Variants in SEM1 observed in about 807,000 individuals in gnomAD.
SEM1 encodes 26S proteasome complex subunit SEM1.
SEM1 carries 3 observed loss-of-function variants against 12.7 expected under a neutral mutation model. The observed-to-expected ratio is 0.24, with a 90% CI of 0.11 to 0.61. SEM1 has a LOEUF of 0.61. Ranked by LOEUF, SEM1 falls within the 20% of genes least tolerant of loss-of-function variation. The pLI, the probability that SEM1 is intolerant of heterozygous loss-of-function variation, is 0.88. For missense variants in SEM1, 59 were observed against 81.3 expected (o/e 0.73, Z 1.06); for synonymous variants, 30 against 27.8 (o/e 1.08, Z -0.25).
intron 2 of SEM1, among the ~76,000 whole-genome samples, chr7:96,626,843 T>C (rs1345819832): frequency 1.3e-5 from 2 of 152,130 alleles, no homozygotes; most frequent in Non-Finnish European, 2.9e-5. Context: ...TTTTTCATAA[T>C]AGTTTGAGTA....
chr7:96,572,506 G>T lies in SEM1; in HGVS notation c.171-65808C>A, dbSNP rs143091426. Among the ~76,000 whole-genome samples the T allele has an allele frequency of 2.9e-3, 440 of 152,222 alleles. 3 individuals are homozygous for T. Among genetic ancestry groups the T allele is most frequent in the Non-Finnish European group, 5.1e-3 (350 of 68,012 alleles). On this transcript the variant is annotated intron_variant and NMD_transcript_variant, in intron 2 of 3. Transcript: ENST00000466986. ...TGCCTTTGTTCTCATTGGTTTCAAA[G>T]AACTTATTTATTTCTGCCTTCATTT...
At chr7:96,627,842 T>G (rs948447216) in intron 2 of SEM1, among the ~76,000 whole-genome samples, 1 of 152,100 alleles carries the variant, frequency 6.6e-6, no homozygotes, top group Admixed American at 6.5e-5. Context: ...GTCTGGAAGA[T>G]CTGTCCAATG....
intron 2 of SEM1, among the ~76,000 whole-genome samples, chr7:96,585,383 G>T (rs1437278596): frequency 2.6e-5 from 4 of 152,210 alleles, no homozygotes; most frequent in Admixed American, 1.3e-4. Context: ...TGTCAGACAG[G>T]GACATTTAAG....
intron 2 of SEM1, among the ~76,000 whole-genome samples, chr7:96,591,564 A>T (rs1458887056): frequency 1.3e-5 from 2 of 152,180 alleles, no homozygotes; most frequent in Non-Finnish European, 2.9e-5. Context: ...CTACACATGC[A>T]CTCCATATAA....
intron 1 of SEM1, among the ~76,000 whole-genome samples, chr7:96,492,642 G>A (rs1255275450): frequency 1.5e-5 from 2 of 133,900 alleles, no homozygotes; most frequent in African/African-American, 5.7e-5. Flanking sequence ...TGTTGGCCAG[G>A]CTGGTCTTGA....
chr7:96,607,347 C>G (rs1807411498), intron 2 of SEM1, among the ~76,000 whole-genome samples: 1 of 152,170 alleles, frequency 6.6e-6, no homozygotes, highest in South Asian at 2.1e-4. Context: ...CTTAAACCCA[C>G]AGGATTTATC....
At chr7:96,517,448 T>C (rs1804130997) in intron 2 of SEM1, among the ~76,000 whole-genome samples, 1 of 152,180 alleles carries the variant, frequency 6.6e-6, no homozygotes, top group African/African-American at 2.4e-5. Flanking sequence ...ATTGTCCCTT[T>C]CTCTACATTC....
rs770179873 is a variant in SEM1, at chr7:96,496,272, A to G, written c.12+12T>C. On this transcript the variant is annotated intron_variant, in intron 1 of 3. Coordinates refer to the SEM1 transcript ENST00000356686. Reference sequence around the variant, plus strand: ...AAAGCCACATATTGATATAATCCATATCAGTTCCTACCTGGCAATACATGT... The same window carrying G: ...AAAGCCACATATTGATATAATCCATGTCAGTTCCTACCTGGCAATACATGT... The G allele has an allele frequency of 2.5e-5, 38 of 1,495,922 alleles. 2 individuals are homozygous for G. Among genetic ancestry groups the G allele is most frequent in the South Asian group, 1.9e-4 (16 of 82,896 alleles). The allele number at this position is 1,495,922 out of a possible 1,614,324, so 92.7% of individuals were successfully genotyped here. A position where few individuals can be genotyped will look rare whatever the true frequency, so the allele number is the denominator to read the frequency against.
chr7:96,562,968 A>G (rs77117923), intron 2 of SEM1, among the ~76,000 whole-genome samples: 1,729 of 152,294 alleles, frequency 0.011, 29 homozygotes, highest in African/African-American at 0.039. Context: ...GTATGAAGGA[A>G]AGTCATTGGA....
At chr7:96,546,130 T>G (rs1300603530) in intron 2 of SEM1, among the ~76,000 whole-genome samples, 1 of 152,110 alleles carries the variant, frequency 6.6e-6, no homozygotes, top group Non-Finnish European at 1.5e-5. Flanking sequence ...CCAATCATGT[T>G]GAATCTTGAA....
Position 96,580,109 on chromosome 7 carries a change from TCCCTCCC to T in SEM1, c.171-73418_171-73412del, listed in dbSNP as rs1295619399. 1.1e-3 allele frequency among the ~76,000 whole-genome samples: 130 copies of T among 122,560 alleles called. 1 individual carries two copies. Among genetic ancestry groups the T allele is most frequent in the African/African-American group, 3.9e-3 (126 of 32,276 alleles). 80.4% of individuals were successfully genotyped at this position (122,560 alleles called of 152,430 possible). ...GCATTAGGTATATCTCCCAATGCTA[TCCCTCCC>T]CCCTCCCCCCACCCCACAACAGTCC... On this transcript the variant is annotated intron_variant and NMD_transcript_variant, in intron 2 of 3. Coordinates refer to the SEM1 transcript ENST00000466986.
At chr7:96,653,244 A>G (rs1049194479) in intron 2 of SEM1, among the ~76,000 whole-genome samples, 14 of 152,234 alleles carry the variant, frequency 9.2e-5, no homozygotes, top group African/African-American at 2.7e-4. Context: ...AAACAAAAAA[A>G]GGCAGATATC....
intron 2 of SEM1, among the ~76,000 whole-genome samples, chr7:96,512,520 C>A (rs1352625640): frequency 6.6e-6 from 1 of 152,076 alleles, no homozygotes; most frequent in East Asian, 1.9e-4. Flanking sequence ...TATATAATTT[C>A]TGGCTGTCCA....
intron 2 of SEM1, among the ~76,000 whole-genome samples, chr7:96,571,026 A>G (rs1806009364): frequency 6.7e-6 from 1 of 149,022 alleles, no homozygotes; most frequent in African/African-American, 2.5e-5. Context: ...GTGGCTGTTC[A>G]TATTGTTTGC....
Position 96,709,681 on chromosome 7 carries a change from C to A in SEM1, c.76+7G>T, listed in dbSNP as rs370172495. On this transcript the variant is annotated splice_region_variant and intron_variant, in intron 1 of 2. Transcript: ENST00000248566. Reference sequence around the variant, plus strand: ...GCGCGACACAGAAACCGGGGCCCAGCGGTTACCTTCGGCAGGGAACTCTTC... The same window carrying A: ...GCGCGACACAGAAACCGGGGCCCAGAGGTTACCTTCGGCAGGGAACTCTTC... 5 of 1,612,782 alleles carry A rather than the reference C, an allele frequency of 3.1e-6. No homozygotes were observed. Among genetic ancestry groups the A allele is most frequent in the Middle Eastern group, 1.7e-4 (1 of 6,050 alleles).
At chr7:96,688,185 A>G (rs1185756903), downstream of SEM1, 2 of 152,172 alleles carry the variant, frequency 1.3e-5, no homozygotes, top group African/African-American at 4.8e-5. Flanking sequence ...TGATGTGGCA[A>G]CAGCTATCAC....
At chr7:96,697,612 G>A (rs183405932) in intron 1 of SEM1, among the ~76,000 whole-genome samples, 2 of 152,106 alleles carry the variant, frequency 1.3e-5, no homozygotes, top group Non-Finnish European at 2.9e-5. Flanking sequence ...TAAAAATAAA[G>A]GTATTCTGAA....
At chr7:96,699,959 T>C (rs1192454574) in intron 1 of SEM1, among the ~76,000 whole-genome samples, 2 of 152,162 alleles carry the variant, frequency 1.3e-5, no homozygotes, top group African/African-American at 4.8e-5. Flanking sequence ...AAGACAAATA[T>C]CTATAGAAGT....
intron 2 of SEM1, among the ~76,000 whole-genome samples, chr7:96,523,800 CTT>C (rs1804360327): frequency 6.6e-6 from 1 of 152,166 alleles, no homozygotes; most frequent in African/African-American, 2.4e-5. Context: ...GTAGTCAAAA[CTT>C]AGCCTCCATC....
Sources: allele counts gnomAD v4.1 joint callset (sites outside exome capture counted in the v4.1 genomes callset), GRCh38; gene constraint gnomAD v4.1.1; transcripts MANE v1.5; gene names NCBI Gene and HGNC (gene_info 2026-07-23, HGNC 2026-07-21).